The following S100Z variants were observed in gnomAD, a reference collection of about 807,000 sequenced individuals.
S100Z encodes the protein S100 calcium binding protein Z.
In S100Z, 11 loss-of-function variants were observed where a neutral mutation model predicts 8.5. The observed-to-expected ratio is 1.30, with a 90% CI of 0.82 to 2.15. The LOEUF is 2.15. S100Z is among the 30% of genes most tolerant of loss of function. S100Z has a pLI of 0.00. For missense variants in S100Z, 126 were observed against 117.9 expected, an observed-to-expected ratio of 1.07 and a Z score of -0.32; for synonymous variants, 34 against 43.8, an observed-to-expected ratio of 0.78 and a Z score of 0.89.
intron 4 of S100Z, among the ~76,000 whole-genome samples, chr5:76,897,314 C>T (rs1486437908): frequency 2.0e-5 from 3 of 151,722 alleles, no homozygotes; most frequent in South Asian, 2.1e-4. Context: ...TGGTGGTGGG[C>T]GCCTGTAGTC....
rs151045679 is a variant in S100Z at position 76,857,857 on chromosome 5, G to T, written c.-176+7702G>T. Among the ~76,000 whole-genome samples, 814 of 152,176 alleles carry T rather than the reference G, an allele frequency of 5.3e-3. 11 individuals are homozygous for T. Among genetic ancestry groups the T allele is most frequent in the African/African-American group, 0.019 (774 of 41,506 alleles). On this transcript the variant is annotated intron_variant, in intron 1 of 4. Transcript: ENST00000317593. ...CTTCTACAAGAAATTTCTTACCCAAGAGTTTTTAGAAGTAATTAATAAGTT... is the reference window on the plus strand; with the variant it reads ...CTTCTACAAGAAATTTCTTACCCAATAGTTTTTAGAAGTAATTAATAAGTT...
At chr5:76,941,165 C>T in the S100Z span, among the ~76,000 whole-genome samples, 1 of 152,178 alleles carries the variant, frequency 6.6e-6, no homozygotes, top group East Asian at 1.9e-4. Context: ...CATGACTCAA[C>T]TTTCAGCTTA....
the S100Z span, among the ~76,000 whole-genome samples, chr5:76,927,790 G>C: frequency 6.6e-6 from 1 of 152,166 alleles, no homozygotes; most frequent in South Asian, 2.1e-4. Flanking sequence ...CCCATGTTAT[G>C]ACATGGAAAC....
At chr5:76,899,938 A>G (rs1744174298) in intron 4 of S100Z, among the ~76,000 whole-genome samples, 1 of 152,196 alleles carries the variant, frequency 6.6e-6, no homozygotes, top group Non-Finnish European at 1.5e-5. Flanking sequence ...TCTGGTATTA[A>G]TGAAATCCCC....
intron 4 of S100Z, among the ~76,000 whole-genome samples, chr5:76,884,697 A>G (rs60192097): frequency 0.56 from 85,035 of 151,484 alleles, 25,570 homozygotes; most frequent in Non-Finnish European, 0.66. Context: ...AGGACTAGTC[A>G]CGGAACAAAA....
At chr5:76,907,114 G>A (rs893765683) in intron 4 of S100Z, among the ~76,000 whole-genome samples, 4 of 147,888 alleles carry the variant, frequency 2.7e-5, no homozygotes, top group African/African-American at 1.0e-4. Flanking sequence ...GTTCTTTTTT[G>A]ATGATTGCCT....
At chr5:76,952,900 G>C in the S100Z span, 1 of 536,946 alleles carries the variant, frequency 1.9e-6, no homozygotes, top group East Asian at 3.0e-5. Context: ...GAAAATTTGT[G>C]GCTGAGAGCT....
At chr5:76,857,791 G>A (rs779920917) in intron 1 of S100Z, among the ~76,000 whole-genome samples, 3 of 152,142 alleles carry the variant, frequency 2.0e-5, no homozygotes, top group Admixed American at 2.0e-4. Context: ...ATGAGCCACC[G>A]TACCCAGCCC....
At chr5:76,946,399 T>C in the S100Z span, among the ~76,000 whole-genome samples, 1 of 152,300 alleles carries the variant, frequency 6.6e-6, no homozygotes, top group Middle Eastern at 3.4e-3. Flanking sequence ...TCCCCCTTTC[T>C]TCAATCTTCT....
intron 4 of S100Z, among the ~76,000 whole-genome samples, chr5:76,879,163 C>T (rs1234266149): frequency 6.6e-6 from 1 of 152,120 alleles, no homozygotes; most frequent in Non-Finnish European, 1.5e-5. Flanking sequence ...TGTCTTCCAC[C>T]TTGTTGAGTC....
intron 1 of S100Z, among the ~76,000 whole-genome samples, chr5:76,864,231 A>AC (rs992259568): frequency 4.6e-5 from 7 of 152,130 alleles, no homozygotes; most frequent in African/African-American, 1.7e-4. Context: ...TCACACCATC[A>AC]CACTGTCATA....
intron 4 of S100Z, among the ~76,000 whole-genome samples, chr5:76,915,071 C>T (rs898415416): frequency 6.6e-6 from 1 of 152,072 alleles, no homozygotes; most frequent in South Asian, 2.1e-4. Context: ...TTTGGGAGGT[C>T]GAGGCAGGTG....
chr5:76,886,115 G>GC (rs1580025842), intron 4 of S100Z, among the ~76,000 whole-genome samples: 5 of 152,076 alleles, frequency 3.3e-5, no homozygotes, highest in Admixed American at 1.3e-4. Context: ...AGGGGTGCTT[G>GC]CCCCCCAGAA....
chr5:76,909,804 T>C (rs1744585496), intron 4 of S100Z, among the ~76,000 whole-genome samples: 1 of 152,176 alleles, frequency 6.6e-6, no homozygotes, highest in African/African-American at 2.4e-5. Context: ...TCCTGATAGG[T>C]ACATAGATGT....
At chr5:76,913,532 A>C (rs890454714) in intron 4 of S100Z, among the ~76,000 whole-genome samples, 4 of 152,212 alleles carry the variant, frequency 2.6e-5, no homozygotes, top group Non-Finnish European at 5.9e-5. Context: ...TGGACTGAAC[A>C]AGGTTTTATT....
intron 1 of S100Z, among the ~76,000 whole-genome samples, chr5:76,852,058 T>TA (rs1561218972): frequency 3.9e-4 from 55 of 141,402 alleles, no homozygotes; most frequent in African/African-American, 1.6e-3. Flanking sequence ...ACTTTTTCTT[T>TA]TAAAAAAAAA....
intron 1 of S100Z, among the ~76,000 whole-genome samples, chr5:76,857,413 G>A (rs1372708473): frequency 2.0e-4 from 31 of 151,938 alleles, no homozygotes; most frequent in Admixed American, 1.7e-3. Context: ...AGTGATACCC[G>A]TGCTTCCATA....
the S100Z span, among the ~76,000 whole-genome samples, chr5:76,945,419 T>G: frequency 2.3e-3 from 354 of 152,244 alleles, no homozygotes; most frequent in African/African-American, 8.0e-3. Flanking sequence ...CCTCTTGCAG[T>G]TGAGATAAGA....
the S100Z span, among the ~76,000 whole-genome samples, chr5:76,935,940 C>G: frequency 6.6e-6 from 1 of 152,018 alleles, no homozygotes; most frequent in African/African-American, 2.4e-5. Flanking sequence ...CCACACCGGG[C>G]TAATTTTTGT....
Sources: allele counts gnomAD v4.1 joint callset (sites outside exome capture counted in the v4.1 genomes callset), GRCh38; gene constraint gnomAD v4.1.1; transcripts MANE v1.5; gene names NCBI Gene and HGNC (gene_info 2026-07-23, HGNC 2026-07-21).